Variants in ZSWIM6 observed in about 807,000 individuals in gnomAD.
ZSWIM6 encodes zinc finger SWIM domain-containing protein 6.
ZSWIM6 carries 9 observed loss-of-function variants against 113.2 expected under a neutral mutation model. The observed-to-expected ratio is 0.08, with a 90% CI of 0.05 to 0.14. ZSWIM6 has a LOEUF of 0.14. Ranked by LOEUF, ZSWIM6 falls within the 10% of genes least tolerant of loss-of-function variation. The pLI is 1.00. For synonymous variants in ZSWIM6, 611 were observed against 606.5 expected (o/e 1.01, Z -0.11); for missense variants, 1,162 against 1,552.2 (o/e 0.75, Z 4.22).
In ZSWIM6 at chr5:61,538,953, A is replaced by T. The variant is rs981378029; in HGVS notation, c.2521A>T (p.Met841Leu). Residue 841 changes from methionine to leucine, a missense_variant, in exon 11 of 14, where the codon ATG becomes TTG. Physicochemically the swap from Met to Leu is conservative, Grantham distance 15. This residue lies in a region of ZSWIM6 where 620 missense variants were observed against 804.6 expected (regional missense o/e 0.77). Coordinates refer to ENST00000252744, the MANE Select transcript of ZSWIM6 (RefSeq NM_020928.2). ...CCAGCAGTGTGAGCTGGCATCCACC[A>T]TGCTAACTGCAGCCAAAGGTACTGT... ...ESQQCELAST[M>L]LTAAKGDVRR... 1.3e-6 allele frequency: 2 copies of T among 1,551,658 alleles called. No homozygotes were observed. Among genetic ancestry groups the T allele is most frequent in the African/African-American group, 2.7e-5 (2 of 73,030 alleles).
intron 4 of ZSWIM6, 50 bp downstream of exon 4, chr5:61,494,460 C>T (rs1748268232): frequency 6.5e-7 from 1 of 1,543,990 alleles, no homozygotes; most frequent in South Asian, 1.2e-5. Context: ...TGGATAAATA[C>T]CATAGTCAGA....
At chr5:61,430,106 G>A (rs979142151) in intron 1 of ZSWIM6, among the ~76,000 whole-genome samples, 1 of 152,118 alleles carries the variant, frequency 6.6e-6, no homozygotes, top group African/African-American at 2.4e-5. Context: ...GCATTTATGA[G>A]ATCAGTAATT....
intron 1 of ZSWIM6, among the ~76,000 whole-genome samples, chr5:61,456,890 C>CTT (rs57188174): frequency 0.043 from 6,131 of 142,668 alleles, 204 homozygotes; most frequent in South Asian, 0.19. Flanking sequence ...TATCCAATTT[C>CTT]TTTTTTTTTT....
chr5:61,448,185 C>T (rs1240728720), intron 1 of ZSWIM6, among the ~76,000 whole-genome samples: 2 of 152,132 alleles, frequency 1.3e-5, no homozygotes, highest in Non-Finnish European at 2.9e-5. Flanking sequence ...TTCTATGTGA[C>T]AATTGGGCCA....
intron 2 of ZSWIM6, among the ~76,000 whole-genome samples, chr5:61,482,567 A>G (rs1747901886): frequency 6.6e-6 from 1 of 152,228 alleles, no homozygotes; most frequent in South Asian, 2.1e-4. Flanking sequence ...TGTTGTAGAC[A>G]TTAAATTTCC....
At chr5:61,466,776 A>C (rs1222780558) in intron 1 of ZSWIM6, among the ~76,000 whole-genome samples, 1 of 152,074 alleles carries the variant, frequency 6.6e-6, no homozygotes, top group Admixed American at 6.6e-5. Flanking sequence ...TGTATTTTAA[A>C]ATCCCTTTTT....
intron 1 of ZSWIM6, among the ~76,000 whole-genome samples, chr5:61,460,987 A>T (rs1325882958): frequency 6.6e-6 from 1 of 152,200 alleles, no homozygotes; most frequent in Non-Finnish European, 1.5e-5. Flanking sequence ...AGAACACAAC[A>T]AAAAGATATA....
At chr5:61,387,937 A>G (rs951759756) in intron 1 of ZSWIM6, among the ~76,000 whole-genome samples, 1 of 146,682 alleles carries the variant, frequency 6.8e-6, no homozygotes, top group African/African-American at 2.5e-5. Context: ...GCACTTTCCT[A>G]CTACCTAAGT....
chr5:61,523,420 A>G (rs1373140333), intron 5 of ZSWIM6, among the ~76,000 whole-genome samples: 1 of 152,232 alleles, frequency 6.6e-6, no homozygotes, highest in Non-Finnish European at 1.5e-5. Flanking sequence ...TTGAAAGAGA[A>G]TAATTTTTTA....
intron 4 of ZSWIM6, among the ~76,000 whole-genome samples, chr5:61,496,592 G>C (rs1404029633): frequency 6.6e-6 from 1 of 152,114 alleles, no homozygotes; most frequent in Non-Finnish European, 1.5e-5. Flanking sequence ...CGGCAAATGG[G>C]ATCTGCAAGT....
At chr5:61,421,429 C>T (rs1746353021) in intron 1 of ZSWIM6, among the ~76,000 whole-genome samples, 1 of 152,138 alleles carries the variant, frequency 6.6e-6, no homozygotes, top group Admixed American at 6.5e-5. Context: ...TGTTGTTGCA[C>T]ATGATAGGAT....
chr5:61,459,404 G>A (rs1170393015), intron 1 of ZSWIM6, among the ~76,000 whole-genome samples: 2 of 152,124 alleles, frequency 1.3e-5, no homozygotes, highest in South Asian at 2.1e-4. Context: ...TTCAGAAGAA[G>A]TAAGTAAAAA....
intron 1 of ZSWIM6, among the ~76,000 whole-genome samples, chr5:61,423,218 C>G (rs1176678715): frequency 6.6e-6 from 1 of 151,894 alleles, no homozygotes; most frequent in Admixed American, 6.6e-5. Flanking sequence ...ACCAGCCTGG[C>G]CAACATAGTG....
chr5:61,377,745 G>A (rs909779171), intron 1 of ZSWIM6, among the ~76,000 whole-genome samples: 2 of 149,292 alleles, frequency 1.3e-5, no homozygotes, highest in Non-Finnish European at 3.0e-5. Context: ...AAAGTCAAAA[G>A]ACAAGTTTGA....
rs151168633 is a variant in ZSWIM6 at position 61,495,798 on chromosome 5, T to C, written c.1333+1388T>C. Among the ~76,000 whole-genome samples, 456 of 152,256 alleles carry C rather than the reference T, an allele frequency of 3.0e-3. 4 individuals carry two copies. The highest frequency in any genetic ancestry group is 0.01 in the African/African-American group (428 of 41,558). Reference sequence around the variant, plus strand: ...GTAACTCTAGTATAGACTTGATTGGTTAGATGCTTTATAAAGTAAAAAGGA... The same window carrying C: ...GTAACTCTAGTATAGACTTGATTGGCTAGATGCTTTATAAAGTAAAAAGGA... On this transcript the variant is annotated intron_variant, in intron 4 of 13. Transcript: ENST00000252744.
At chr5:61,520,645 C>T (rs1464317438) in intron 4 of ZSWIM6, among the ~76,000 whole-genome samples, 1 of 151,352 alleles carries the variant, frequency 6.6e-6, no homozygotes, top group Middle Eastern at 3.2e-3. Flanking sequence ...TTTTTTTGCC[C>T]CAAACTATTC....
chr5:61,536,054 A>AG, intron 10 of ZSWIM6, among the ~76,000 whole-genome samples: 1 of 152,344 alleles, frequency 6.6e-6, no homozygotes, highest in East Asian at 1.9e-4. Context: ...AGTGCAGGAA[A>AG]GCAACTCCCT....
intron 1 of ZSWIM6, among the ~76,000 whole-genome samples, chr5:61,390,510 C>T (rs560742124): frequency 2.8e-4 from 43 of 151,976 alleles, no homozygotes; most frequent in African/African-American, 8.0e-4. Flanking sequence ...GTCTTTTTTC[C>T]GCTCCTCCTT....
intron 2 of ZSWIM6, among the ~76,000 whole-genome samples, chr5:61,482,208 A>G (rs1236540206): frequency 6.6e-6 from 1 of 152,226 alleles, no homozygotes; most frequent in Non-Finnish European, 1.5e-5. Context: ...AATGCATGTA[A>G]TCAAGACATG....
Sources: gnomAD v4.1 joint callset for allele counts (sites outside exome capture counted in the v4.1 genomes callset) on GRCh38, gnomAD v4.1.1 for gene constraint, gnomAD v4.1.1 regional missense constraint, MANE v1.5 for transcripts, NCBI Gene and HGNC (gene_info 2026-07-23, HGNC 2026-07-21) for gene names.